Variants in DNALI1 observed in about 807,000 individuals in gnomAD.
DNALI1 encodes the protein dynein axonemal light intermediate chain 1.
DNALI1 carries 31 observed loss-of-function variants against 33.9 expected under a neutral mutation model. The observed-to-expected ratio is 0.91, with a 90% confidence interval of 0.69 to 1.23. DNALI1 has a LOEUF of 1.23. Ranked by LOEUF, DNALI1 falls within the 50% of genes most tolerant of loss-of-function variation. The pLI is 0.00. For missense variants in DNALI1, 305 were observed against 323.8 expected, an observed-to-expected ratio of 0.94 and a Z score of 0.44; for synonymous variants, 117 against 129.2, an observed-to-expected ratio of 0.91 and a Z score of 0.64.
intron 2 of DNALI1, 26 bp downstream of exon 2, chr1:37,557,774 G>C (rs1023095115): frequency 1.9e-6 from 3 of 1,613,130 alleles, no homozygotes; most frequent in African/African-American, 1.3e-5. Flanking sequence ...CAGTGGCTGG[G>C]AGAAGGCCTA....
chr1:37,558,627 C>G (rs1043189129), intron 2 of DNALI1, among the ~76,000 whole-genome samples: 1 of 152,230 alleles, frequency 6.6e-6, no homozygotes, highest in Non-Finnish European at 1.5e-5. Context: ...ATTCACTCTC[C>G]TACCACAGGG....
Position 37,561,315 on chromosome 1 carries a change from G to A in DNALI1, c.398-242G>A. On this transcript the variant is annotated intron_variant, in intron 3 of 5. Coordinates refer to ENST00000652629, the MANE Select transcript of DNALI1 (RefSeq NM_003462.5). This position sits in a 1 kb window ranked among gnomAD's most constrained non-coding sequence, Gnocchi z 4.6. The stretch of plus-strand genomic sequence containing the variant: ...CAGAGCCTCTTGTCTCCTTTGCTCT[G>A]GCCAACCCAGTCTTGCTGACTGTGC... 1 of 501,280 alleles carries A rather than the reference G, an allele frequency of 2.0e-6. No homozygotes were observed. The highest frequency in any genetic ancestry group is 3.6e-6 in the Non-Finnish European group (1 of 278,210). 31.1% of individuals were successfully genotyped at this position (501,280 alleles called of 1,614,324 possible).
Position 37,565,098 on chromosome 1 carries a change from G to T in DNALI1, c.*37G>T, listed in dbSNP as rs1643484344. 6.2e-7 allele frequency: 1 copy of T among 1,609,920 alleles called. No homozygotes were observed. ...TGATTAATTTCCAACAAGACACTTG[G>T]GAGTTATTTACTGTGTTCCTCTGGC... On this transcript the variant is annotated 3_prime_UTR_variant, in exon 6 of 6. Coordinates refer to ENST00000652629, the MANE Select transcript of DNALI1 (RefSeq NM_003462.5).
chr1:37,557,118 G>T, intron 1 of DNALI1, 43 bp downstream of exon 1: 1 of 1,613,480 alleles, frequency 6.2e-7, no homozygotes, highest in Non-Finnish European at 8.5e-7. Flanking sequence ...TCGAAACTCC[G>T]ATAGGGAAAG....
chr1:37,562,193 A>G lies in DNALI1; in HGVS notation c.689A>G (p.Lys230Arg). 6.2e-7 allele frequency: 1 copy of G among 1,613,940 alleles called. No individual in the cohort carries two copies. The highest frequency in any genetic ancestry group is 1.1e-5 in the South Asian group (1 of 91,058). ...RESERRQVEE[K>R]KHNEEIQFLK... ...AGCGAGAGGCGGCAGGTGGAGGAGA[A>G]GAAGCACAATGAGGAGATTCAGTTC... Residue 230 changes from lysine (K) to arginine (R), a missense_variant, in exon 5 of 6, where the codon AAG becomes AGG. Physicochemically the swap from Lys to Arg is conservative, Grantham distance 26. Coordinates refer to ENST00000652629, the MANE Select transcript of DNALI1 (RefSeq NM_003462.5). This position sits in a 1 kb window ranked among gnomAD's most constrained non-coding sequence, Gnocchi z 5.8.
chr1:37,560,593 A>G (rs1157653930), intron 3 of DNALI1: 1 of 152,156 alleles, frequency 6.6e-6, no homozygotes, highest in Admixed American at 6.5e-5. Context: ...TACAGGTCAA[A>G]ATGGAGTTTC....
At position 37,564,883 on chromosome 1, in the gene DNALI1, A is replaced by G. The variant is rs940238034; in HGVS notation, c.742-143A>G. 8.6e-6 allele frequency: 7 copies of G among 818,498 alleles called. No homozygotes were observed. In the Admixed American group the frequency reaches 1.3e-4, roughly 16 times the overall value. 50.7% of individuals were successfully genotyped at this position (818,498 alleles called of 1,614,324 possible). ...AGCTAGAAACTAGCTAATCTAGAAA[A>G]TATGGATTTGGGGATCAAGGGGAAA... On this transcript the variant is annotated intron_variant, in intron 5 of 5. Transcript: ENST00000652629.
intron 3 of DNALI1, chr1:37,560,478 T>C (rs1173534714): frequency 6.6e-6 from 1 of 152,222 alleles, no homozygotes; most frequent in African/African-American, 2.4e-5. Flanking sequence ...TGCACAGCCG[T>C]AGATCCCTTA....
In DNALI1 at chr1:37,557,688, C is replaced by T. The variant is rs1801956; in HGVS notation, c.167C>T (p.Pro56Leu). 3.7e-6 allele frequency: 6 copies of T among 1,614,098 alleles called. No individual in the cohort carries two copies. Among genetic ancestry groups the T allele is most frequent in the Non-Finnish European group, 5.1e-6 (6 of 1,180,002 alleles). The change falls in exon 2 of 6, where the codon CCC (proline) becomes CTC (leucine). Residue 56 changes from proline to leucine, a missense_variant. Coordinates refer to ENST00000652629, the MANE Select transcript of DNALI1 (RefSeq NM_003462.5). Reference protein sequence around the residue: ...QPPKTKLPSTPCVPDPTKQAE... With the variant: ...QPPKTKLPSTLCVPDPTKQAE... ...CCCAAGACCAAGCTCCCCTCAACTC[C>T]CTGTGTCCCAGATCCTACAAAGCAG...
chr1:37,559,809 G>C lies in DNALI1; in HGVS notation c.397+313G>C, dbSNP rs1643415577. On this transcript the variant is annotated intron_variant, in intron 3 of 5. Transcript: ENST00000652629. This position sits in a 1 kb window ranked among gnomAD's most constrained non-coding sequence, Gnocchi z 5.3. ...AGGGGACCGGCACTCAGCATACGGA[G>C]GACCCGCACCGGCACTGGTCTCTGA... 6.6e-6 allele frequency among the ~76,000 whole-genome samples: 1 copy of C among 152,182 alleles called. No homozygotes were observed. Among genetic ancestry groups the C allele is most frequent in the Non-Finnish European group, 1.5e-5 (1 of 68,040 alleles).
At position 37,559,268 on chromosome 1, in the gene DNALI1, C is replaced by G; in HGVS notation, c.228-59C>G. On this transcript the variant is annotated intron_variant, in intron 2 of 5. Transcript: ENST00000652629. This position sits in a 1 kb window ranked among gnomAD's most constrained non-coding sequence, Gnocchi z 5.3. ...CAGAGGGCTCAAAGGGCCCTCTGCT[C>G]ATGTGCTAGGGACCTTCAAGTCAAC... 3 of 1,495,150 alleles carry G rather than the reference C, an allele frequency of 2.0e-6. No individual in the cohort carries two copies. Among genetic ancestry groups the G allele is most frequent in the Non-Finnish European group, 2.7e-6 (3 of 1,116,840 alleles). The allele number at this position is 1,495,150 out of a possible 1,614,324, so 92.6% of individuals were successfully genotyped here. A position where few individuals can be genotyped will look rare whatever the true frequency, so the allele number is the denominator to read the frequency against.
intron 1 of DNALI1, 68 bp from the exon 2 acceptor site, chr1:37,557,535 A>G (rs1289207808): frequency 1.9e-6 from 3 of 1,544,460 alleles, no homozygotes; most frequent in Non-Finnish European, 2.6e-6. Flanking sequence ...GGAGCAATAT[A>G]CAGGTTGGGG....
chr1:37,561,883 C>T lies in DNALI1; in HGVS notation c.576+148C>T, dbSNP rs893067533. The T allele has an allele frequency of 1.0e-5, 14 of 1,361,842 alleles. No homozygotes were observed. The highest frequency in any genetic ancestry group is 2.5e-4 in the Middle Eastern group (1 of 3,924). 84.4% of individuals were successfully genotyped at this position (1,361,842 alleles called of 1,614,324 possible). On this transcript the variant is annotated intron_variant, in intron 4 of 5. Transcript: ENST00000652629. The surrounding 1 kb of genome is among the most constrained non-coding windows in gnomAD (Gnocchi z 4.6). The stretch of plus-strand genomic sequence containing the variant: ...GACTTGCATCACCTCAGTGAGGGAC[C>T]CCTGGTTGAGTATGATGGCCAGCCT...
In DNALI1 at chr1:37,566,712, T is replaced by A; in HGVS notation, c.*1651T>A. On this transcript the variant is annotated 3_prime_UTR_variant, in exon 6 of 6. Transcript: ENST00000652629. ...GAAATCCTTAAGGTTGAGGAGGCTTTATTTCCCTAGCACTGGTGAAGGGCT... is the reference window on the plus strand; with the variant it reads ...GAAATCCTTAAGGTTGAGGAGGCTTAATTTCCCTAGCACTGGTGAAGGGCT... 1 of 734,866 alleles carries A rather than the reference T, an allele frequency of 1.4e-6. No individual in the cohort carries two copies. The highest frequency in any genetic ancestry group is 2.3e-6 in the Non-Finnish European group (1 of 442,334). 45.5% of individuals were successfully genotyped at this position (734,866 alleles called of 1,614,324 possible). A position where few individuals can be genotyped will look rare whatever the true frequency, so the allele number is the denominator to read the frequency against.
At chr1:37,564,975 G>T in intron 5 of DNALI1, 51 bp from the exon 6 acceptor site, 1 of 1,597,482 alleles carries the variant, frequency 6.3e-7, no homozygotes. Flanking sequence ...TCAGCTATTT[G>T]TATCAGGCTG....
chr1:37,565,240 A>C lies in DNALI1; in HGVS notation c.*179A>C. 1.5e-6 allele frequency: 1 copy of C among 653,144 alleles called. No homozygotes were observed. Among genetic ancestry groups the C allele is most frequent in the Non-Finnish European group, 2.6e-6 (1 of 381,178 alleles). 40.5% of individuals were successfully genotyped at this position (653,144 alleles called of 1,614,324 possible). On this transcript the variant is annotated 3_prime_UTR_variant, in exon 6 of 6. Coordinates refer to ENST00000652629, the MANE Select transcript of DNALI1 (RefSeq NM_003462.5). ...TGTTAGAAGTCACACTATTACTCCA[A>C]TGTCATCAGACACCTAAGGTCTGCC...
At position 37,561,698 on chromosome 1, in the gene DNALI1, T is replaced by C; in HGVS notation, c.539T>C (p.Leu180Pro). ...GTGGCGTTTGGCATGAGGAAGGCAC[T>C]GCAGGCTGAGCAGGGGAAGTCAGAC... ...SSVAFGMRKA[L>P]QAEQGKSDME... The change falls in exon 4 of 6, where the codon CTG (leucine) becomes CCG (proline). Residue 180 changes from leucine to proline, a missense_variant. Transcript: ENST00000652629. This position sits in a 1 kb window ranked among gnomAD's most constrained non-coding sequence, Gnocchi z 4.6. 1.9e-6 allele frequency: 3 copies of C among 1,614,132 alleles called. No individual in the cohort carries two copies. Among genetic ancestry groups the C allele is most frequent in the Non-Finnish European group, 2.5e-6 (3 of 1,179,996 alleles).
chr1:37,564,962 C>T (rs1268589216), intron 5 of DNALI1, 64 bp from the exon 6 acceptor site: 3 of 1,549,474 alleles, frequency 1.9e-6, no homozygotes, highest in Non-Finnish European at 1.8e-6. Flanking sequence ...ATTTGATCAC[C>T]TCTCAGCTAT....
Position 37,559,780 on chromosome 1 carries a change from G to A in DNALI1, c.397+284G>A, listed in dbSNP as rs1001368891. Among the ~76,000 whole-genome samples, 2 of 152,162 alleles carry A rather than the reference G, an allele frequency of 1.3e-5. No homozygotes were observed. The highest frequency in any genetic ancestry group is 3.9e-4 in the East Asian group (2 of 5,174). On this transcript the variant is annotated intron_variant, in intron 3 of 5. Coordinates refer to ENST00000652629, the MANE Select transcript of DNALI1 (RefSeq NM_003462.5). This position sits in a 1 kb window ranked among gnomAD's most constrained non-coding sequence, Gnocchi z 5.3. ...ACAAAGTATAGAGAAAGAAAGGTGG[G>A]CCCAGGGGACCGGCACTCAGCATAC...
Sources: gnomAD v4.1 joint callset for allele counts (sites outside exome capture counted in the v4.1 genomes callset) on GRCh38, gnomAD v4.1.1 for gene constraint, Gnocchi (gnomAD v3.1) non-coding constraint, MANE v1.5 for transcripts, NCBI Gene and HGNC (gene_info 2026-07-23, HGNC 2026-07-21) for gene names.